DYNC2I2: variants seen among roughly 807,000 people sequenced by gnomAD.
DYNC2I2 encodes the protein dynein 2 intermediate chain 2, also known as cytoplasmic dynein 2 intermediate chain 2.
Under a neutral mutation model 52.0 loss-of-function variants are expected in DYNC2I2, and 39 were observed. The observed-to-expected ratio is 0.75, with a 90% CI of 0.58 to 0.98. The LOEUF (loss-of-function observed/expected upper bound fraction) is 0.98, where lower values mean the gene tolerates loss of function less well. Ranked by LOEUF, DYNC2I2 falls within the 50% of genes least tolerant of loss-of-function variation. DYNC2I2 has a pLI of 0.00. For missense variants in DYNC2I2, 743 were observed against 728.4 expected (o/e 1.02, Z -0.23); for synonymous variants, 359 against 321.1 (o/e 1.12, Z -1.26).
chr9:128,640,635 A>G (rs1860495243), intron 2 of DYNC2I2, 56 bp downstream of exon 2: 4 of 1,571,332 alleles, frequency 2.5e-6, no homozygotes, highest in Non-Finnish European at 3.5e-6. Context: ...GGAAAACAAG[A>G]GGAGACAGAA....
chr9:128,670,659 C>A, the DYNC2I2 span, among the ~76,000 whole-genome samples: 1,200 of 151,636 alleles, frequency 7.9e-3, 4 homozygotes, highest in Non-Finnish European at 0.013. Flanking sequence ...TTGCTTGAAC[C>A]TGGGAGGAGG....
At chr9:128,659,163 C>T (rs1464219192), upstream of DYNC2I2, among the ~76,000 whole-genome samples, 6 of 151,924 alleles carry the variant, frequency 3.9e-5, no homozygotes, top group African/African-American at 1.4e-4. Flanking sequence ...CAGTTTACCA[C>T]CACCTAGAAA....
At chr9:128,669,047 A>G in the DYNC2I2 span, among the ~76,000 whole-genome samples, 1 of 151,910 alleles carries the variant, frequency 6.6e-6, no homozygotes, top group African/African-American at 2.4e-5. Context: ...CCTGACCAAC[A>G]TGGCAAAACC....
the DYNC2I2 span, among the ~76,000 whole-genome samples, chr9:128,671,031 C>T: frequency 6.8e-6 from 1 of 147,578 alleles, no homozygotes; most frequent in Non-Finnish European, 1.5e-5. Flanking sequence ...TGCACCATTG[C>T]ACTCCAGCCT....
In DYNC2I2 at chr9:128,635,222, A is replaced by G. The variant is rs774493620; in HGVS notation, c.851T>C (p.Phe284Ser). The change falls in exon 6 of 9, where the codon TTC becomes TCC. Residue 284 changes from phenylalanine (F) to serine (S), a missense_variant. By Grantham distance (155) the Phe-to-Ser change is radical. Transcript: ENST00000372715. ...WLPEPGHSHRFQVLSVATDGK... is the reference protein window; with the variant it reads ...WLPEPGHSHRSQVLSVATDGK... ...GTCGGTGGCCACACTCAGCACCTGG[A>G]AGCGGTGGCTGTGCCCAGGCTCGGG... The G allele has an allele frequency of 7.5e-5, 121 of 1,612,860 alleles. No individual in the cohort carries two copies. The highest frequency in any genetic ancestry group is 1.0e-4 in the Non-Finnish European group (118 of 1,179,920).
chr9:128,667,122 C>G, the DYNC2I2 span, among the ~76,000 whole-genome samples: 1 of 151,322 alleles, frequency 6.6e-6, no homozygotes, highest in African/African-American at 2.4e-5. Flanking sequence ...TCGCTTGAAC[C>G]CGGGAGGCAG....
chr9:128,639,676 CTTTTT>C (rs555706741), intron 2 of DYNC2I2, among the ~76,000 whole-genome samples: 73 of 151,530 alleles, frequency 4.8e-4, no homozygotes, highest in African/African-American at 1.6e-3. Flanking sequence ...GTTTTTTTGT[CTTTTT>C]TTGAGATGGA....
At chr9:128,641,000 C>T in intron 1 of DYNC2I2, 61 bp from the exon 2 acceptor site, 1 of 1,509,482 alleles carries the variant, frequency 6.6e-7, no homozygotes, top group Non-Finnish European at 8.8e-7. Context: ...CCCCACCCAG[C>T]CCCCTGCCTG....
chr9:128,653,234 C>CA (rs1860752813), intron 1 of DYNC2I2, among the ~76,000 whole-genome samples: 1 of 150,036 alleles, frequency 6.7e-6, no homozygotes, highest in African/African-American at 2.5e-5. Flanking sequence ...GTCTCACACA[C>CA]AAAAAAGAAA....
intron 1 of DYNC2I2, 54 bp from the exon 2 acceptor site, chr9:128,640,993 C>A: frequency 6.6e-7 from 1 of 1,520,364 alleles, no homozygotes; most frequent in South Asian, 1.3e-5. Flanking sequence ...GCACAGCCCC[C>A]ACCCAGCCCC....
intron 1 of DYNC2I2, among the ~76,000 whole-genome samples, chr9:128,641,297 G>A (rs546909037): frequency 2.2e-4 from 33 of 152,088 alleles, no homozygotes; most frequent in Admixed American, 5.2e-4. Flanking sequence ...GAACCACATC[G>A]GCTCACAGCA....
chr9:128,659,309 C>T (rs1860890571), upstream of DYNC2I2, among the ~76,000 whole-genome samples: 7 of 151,332 alleles, frequency 4.6e-5, no homozygotes, highest in South Asian at 1.5e-3. Flanking sequence ...TCCTGGCTAA[C>T]ATGATGAAAC....
Position 128,633,979 on chromosome 9 carries a change from T to A in DYNC2I2, c.1376A>T (p.Asp459Val). 1 of 1,612,968 alleles carries A rather than the reference T, an allele frequency of 6.2e-7. No homozygotes were observed. Residue 459 changes from aspartate to valine, a missense_variant, in exon 9 of 9, where the codon GAC (aspartate) becomes GTC (valine). Coordinates refer to ENST00000372715, the MANE Select transcript of DYNC2I2 (RefSeq NM_052844.4). ...TTTCTGGAGATCAAACAGCTGCACGTCACCTGCAAAGAGAGACAGATACGT... is the reference window on the plus strand; with the variant it reads ...TTTCTGGAGATCAAACAGCTGCACGACACCTGCAAAGAGAGACAGATACGT... ...LVFAAASGKG[D>V]VQLFDLQKSS...
At chr9:128,669,102 A>AC in the DYNC2I2 span, among the ~76,000 whole-genome samples, 1 of 152,012 alleles carries the variant, frequency 6.6e-6, no homozygotes, top group Admixed American at 6.6e-5. Context: ...GTGGTGGCTC[A>AC]CACCTGTAAT....
At chr9:128,665,917 A>T in the DYNC2I2 span, among the ~76,000 whole-genome samples, 1 of 151,526 alleles carries the variant, frequency 6.6e-6, no homozygotes, top group African/African-American at 2.4e-5. Flanking sequence ...CTAAAAAAAA[A>T]AAAAAAAATT....
At chr9:128,634,953 C>A (rs746307394) in intron 6 of DYNC2I2, 32 bp from the exon 7 acceptor site, 2 of 1,607,472 alleles carry the variant, frequency 1.2e-6, no homozygotes, top group East Asian at 4.5e-5. Context: ...AGGGTCAGAG[C>A]CAAGGGCATC....
chr9:128,653,704 A>G (rs1860763111), intron 1 of DYNC2I2, among the ~76,000 whole-genome samples: 1 of 148,590 alleles, frequency 6.7e-6, no homozygotes, highest in African/African-American at 2.5e-5. Flanking sequence ...CCACAGAGCG[A>G]GACTCTGTCT....
chr9:128,665,718 C>T, the DYNC2I2 span, among the ~76,000 whole-genome samples: 3 of 147,590 alleles, frequency 2.0e-5, no homozygotes, highest in African/African-American at 5.1e-5. Context: ...TGCAGTGAGC[C>T]GAGATTGCAC....
chr9:128,656,920 T>C (rs935958630), upstream of DYNC2I2: 2 of 541,994 alleles, frequency 3.7e-6, no homozygotes, highest in African/African-American at 2.0e-5. Context: ...CGGTTTTGCA[T>C]ACCCTGTCCC....
Sources: allele counts gnomAD v4.1 joint callset (sites outside exome capture counted in the v4.1 genomes callset), GRCh38; gene constraint gnomAD v4.1.1; transcripts MANE v1.5; gene names NCBI Gene and HGNC (gene_info 2026-07-23, HGNC 2026-07-21).